Variants in TMC1 observed in about 807,000 individuals in gnomAD.
TMC1 encodes transmembrane channel-like protein 1.
In TMC1, 84 loss-of-function variants were observed where a neutral mutation model predicts 105.8. The ratio of observed to expected loss-of-function variants is 0.79; its 90% CI spans 0.67 to 0.95. The LOEUF (loss-of-function observed/expected upper bound fraction) is 0.95. Among genes scored for constraint, TMC1 ranks in the 40% least tolerant of loss-of-function variants. The pLI, the probability that TMC1 is intolerant of heterozygous loss-of-function variation, is 0.00. For missense variants in TMC1, 817 were observed against 914.1 expected, an observed-to-expected ratio of 0.89 and a Z score of 1.37; for synonymous variants, 315 against 311.5, an observed-to-expected ratio of 1.01 and a Z score of -0.12.
chr9:72,704,170 T>A (rs1826693872), intron 8 of TMC1, among the ~76,000 whole-genome samples: 1 of 152,148 alleles, frequency 6.6e-6, no homozygotes, highest in African/African-American at 2.4e-5. Flanking sequence ...AAGGATTATG[T>A]TATTAATATT....
intron 5 of TMC1, among the ~76,000 whole-genome samples, chr9:72,650,206 A>T (rs1825778127): frequency 6.6e-6 from 1 of 152,220 alleles, no homozygotes; most frequent in Non-Finnish European, 1.5e-5. Flanking sequence ...TATGAGAGTT[A>T]TGTTTGGTTT....
intron 7 of TMC1, among the ~76,000 whole-genome samples, chr9:72,696,589 T>G (rs1826554741): frequency 6.6e-6 from 1 of 152,206 alleles, no homozygotes; most frequent in African/African-American, 2.4e-5. Context: ...TTTATTTAAC[T>G]ATTCAAGTAA....
chr9:72,702,374 C>G (rs1379331225), intron 8 of TMC1, among the ~76,000 whole-genome samples: 2 of 152,092 alleles, frequency 1.3e-5, no homozygotes, highest in Non-Finnish European at 2.9e-5. Context: ...CTCAGATCTT[C>G]CATTTAATAG....
At chr9:72,522,614 G>A (rs1444625825) in intron 1 of TMC1, among the ~76,000 whole-genome samples, 1 of 152,114 alleles carries the variant, frequency 6.6e-6, no homozygotes, top group African/African-American at 2.4e-5. Context: ...AAGACTGATG[G>A]GTGTAAGCCA....
At chr9:72,800,789 G>C (rs1251734310) in intron 17 of TMC1, among the ~76,000 whole-genome samples, 1 of 151,908 alleles carries the variant, frequency 6.6e-6, no homozygotes, top group Non-Finnish European at 1.5e-5. Context: ...CTGCAGAAGC[G>C]GGCCAAGGGA....
chr9:72,545,175 C>T (rs1308651843), intron 1 of TMC1, among the ~76,000 whole-genome samples: 1 of 151,406 alleles, frequency 6.6e-6, no homozygotes, highest in Non-Finnish European at 1.5e-5. Flanking sequence ...TATACACACA[C>T]ACATTTATAT....
At chr9:72,702,566 C>T (rs1472529107) in intron 8 of TMC1, among the ~76,000 whole-genome samples, 5 of 151,826 alleles carry the variant, frequency 3.3e-5, no homozygotes, top group Admixed American at 6.6e-5. Context: ...TCAGAACAGA[C>T]TTGATGCCCA....
At chr9:72,538,606 T>G (rs1209507978) in intron 1 of TMC1, among the ~76,000 whole-genome samples, 1 of 151,974 alleles carries the variant, frequency 6.6e-6, no homozygotes, top group Non-Finnish European at 1.5e-5. Flanking sequence ...CTGGCTAATT[T>G]TTTTGTATTT....
chr9:72,552,905 T>C (rs1320656459), intron 1 of TMC1, among the ~76,000 whole-genome samples: 3 of 152,214 alleles, frequency 2.0e-5, no homozygotes, highest in African/African-American at 4.8e-5. Flanking sequence ...TAAATGTCCA[T>C]ATTAAATATA....
At chr9:72,639,842 A>AAATGG (rs1427853315) in intron 4 of TMC1, among the ~76,000 whole-genome samples, 8 of 152,208 alleles carry the variant, frequency 5.3e-5, no homozygotes, top group African/African-American at 1.9e-4. Context: ...TTACATTTTA[A>AAATGG]AATGGCCATA....
At chr9:72,779,777 C>A (rs556490753) in intron 13 of TMC1, among the ~76,000 whole-genome samples, 2 of 152,184 alleles carry the variant, frequency 1.3e-5, no homozygotes, top group South Asian at 2.1e-4. Flanking sequence ...AAAGACCAAT[C>A]CTATGACTCA....
intron 8 of TMC1, among the ~76,000 whole-genome samples, chr9:72,717,765 T>G (rs887673107): frequency 2.0e-5 from 3 of 152,188 alleles, no homozygotes; most frequent in Non-Finnish European, 2.9e-5. Flanking sequence ...CTGATAACTA[T>G]AGGTTTAGGC....
rs186912257 is a variant in TMC1, at chr9:72,617,531, T to G, written c.-196+1054T>G. Among the ~76,000 whole-genome samples the G allele has an allele frequency of 4.6e-5, 7 of 152,290 alleles. No homozygotes were observed. The East Asian group carries it at 1.3e-3, about 29-fold the overall frequency. The stretch of plus-strand genomic sequence containing the variant: ...TGATGGCAGCCGCAAGTTGTAAATA[T>G]ATTAAATGAGATAATACCAAATGGC... On this transcript the variant is annotated intron_variant, in intron 3 of 23. Transcript: ENST00000297784.
rs572927601 is a variant in TMC1 at position 72,656,020 on chromosome 9, G to C, written c.16+7356G>C. 6.6e-5 allele frequency: 50 copies of C among 753,110 alleles called. No homozygotes were observed. The African/African-American group carries it at 8.0e-4, about 12-fold the overall frequency. 46.7% of individuals were successfully genotyped at this position (753,110 alleles called of 1,614,324 possible). A position where few individuals can be genotyped will look rare whatever the true frequency, so the allele number is the denominator to read the frequency against. On this transcript the variant is annotated intron_variant, in intron 5 of 23. Transcript: ENST00000297784. ...TCTTGTAGTGATTCTCAAAGTCTTA[G>C]TAGGCATTTGAACTGGTCTTTTCAC... is the stretch of plus-strand genomic sequence containing the variant.
chr9:72,675,841 G>C (rs1826193985), intron 5 of TMC1, among the ~76,000 whole-genome samples: 1 of 152,136 alleles, frequency 6.6e-6, no homozygotes, highest in Non-Finnish European at 1.5e-5. Context: ...CTGAATGCCA[G>C]AGTACTGACA....
chr9:72,541,688 CAA>C (rs34643140), intron 1 of TMC1, among the ~76,000 whole-genome samples: 64 of 137,644 alleles, frequency 4.6e-4, no homozygotes, highest in African/African-American at 4.5e-4. Context: ...AACTCCATCT[CAA>C]AAAAAAAAAA....
At chr9:72,793,256 G>T (rs548732786) in intron 17 of TMC1, among the ~76,000 whole-genome samples, 1 of 152,104 alleles carries the variant, frequency 6.6e-6, no homozygotes, top group Admixed American at 6.5e-5. Flanking sequence ...TAGAAAAGGG[G>T]CTGAATCCAG....
chr9:72,816,185 C>G lies in TMC1; in HGVS notation c.1738C>G (p.Leu580Val). The G allele has an allele frequency of 6.2e-7, 1 of 1,613,632 alleles. No individual in the cohort carries two copies. The highest frequency in any genetic ancestry group is 8.5e-7 in the Non-Finnish European group (1 of 1,179,608). ...CGACATCAGTGGCAACGTCCTCGCT[C>G]TGATCTTCAACCAAGGCATGATCTG... Reference protein sequence around the residue: ...EFDISGNVLALIFNQGMIWMG... With the variant: ...EFDISGNVLAVIFNQGMIWMG... Residue 580 changes from leucine (L) to valine (V), a missense_variant, in exon 19 of 24, where the codon CTG becomes GTG. Transcript: ENST00000297784.
chr9:72,741,317 A>C (rs1410443749), intron 9 of TMC1: 1 of 337,118 alleles, frequency 3.0e-6, no homozygotes, highest in Non-Finnish European at 5.5e-6. Context: ...ATTTCAGGAC[A>C]GCCAGCTTAA....
Sources: gnomAD v4.1 joint callset for allele counts (sites outside exome capture counted in the v4.1 genomes callset) on GRCh38, gnomAD v4.1.1 for gene constraint, MANE v1.5 for transcripts, NCBI Gene and HGNC (gene_info 2026-07-23, HGNC 2026-07-21) for gene names.